The following TNFAIP8 variants were observed in gnomAD, a reference collection of about 807,000 sequenced individuals.
TNFAIP8 encodes the protein tumor necrosis factor alpha-induced protein 8.
In TNFAIP8, 7 loss-of-function variants were observed where a neutral mutation model predicts 13.3. The ratio of observed to expected loss-of-function variants is 0.52; its 90% CI spans 0.30 to 0.99. The LOEUF is 0.99. TNFAIP8 is among the 50% of genes least tolerant of loss of function. The pLI is 0.07. For synonymous variants in TNFAIP8, 94 were observed against 87.6 expected (o/e 1.07, Z -0.41); for missense variants, 258 against 236.9 (o/e 1.09, Z -0.58).
chr5:119,360,285 A>G (rs929577509), intron 1 of TNFAIP8, among the ~76,000 whole-genome samples: 1 of 152,190 alleles, frequency 6.6e-6, no homozygotes, highest in African/African-American at 2.4e-5. Flanking sequence ...GCATTTCAGA[A>G]CACTGCAGAA....
intron 1 of TNFAIP8, among the ~76,000 whole-genome samples, chr5:119,347,822 T>G (rs1276571278): frequency 6.6e-6 from 1 of 152,244 alleles, no homozygotes; most frequent in Non-Finnish European, 1.5e-5. Context: ...TGCAAGCCTA[T>G]GTCAGCCTTT....
intron 1 of TNFAIP8, among the ~76,000 whole-genome samples, chr5:119,364,491 G>A (rs1010481713): frequency 6.6e-6 from 1 of 152,014 alleles, no homozygotes; most frequent in East Asian, 1.9e-4. Flanking sequence ...GGGACTACAG[G>A]TGCATACCAC....
At position 119,311,807 on chromosome 5, in the gene TNFAIP8, T is replaced by C. The variant is rs145685389; in HGVS notation, c.1+42900T>C. ...AGTGCTGATGAAGGGACATTGTGGG[T>C]GTTCACCCGTGAAGGAGGGACAAAG... On this transcript the variant is annotated intron_variant, in intron 1 of 1. Coordinates refer to the TNFAIP8 transcript ENST00000274456. 7.5e-3 allele frequency among the ~76,000 whole-genome samples: 1,138 copies of C among 151,022 alleles called. 5 individuals are homozygous for C. Among genetic ancestry groups the C allele is most frequent in the Non-Finnish European group, 0.012 (815 of 67,872 alleles).
chr5:119,377,356 C>T (rs1355548183), intron 1 of TNFAIP8, among the ~76,000 whole-genome samples: 2 of 151,780 alleles, frequency 1.3e-5, no homozygotes, highest in Non-Finnish European at 2.9e-5. Flanking sequence ...TGCACTCCAG[C>T]CTGGGCAACA....
chr5:119,293,283 T>A (rs776633123), intron 1 of TNFAIP8, among the ~76,000 whole-genome samples: 4 of 152,328 alleles, frequency 2.6e-5, no homozygotes, highest in Non-Finnish European at 5.9e-5. Flanking sequence ...GCTACTGTGA[T>A]GTACAGTAGA....
chr5:119,299,434 C>A (rs1241306692), intron 1 of TNFAIP8, among the ~76,000 whole-genome samples: 1 of 152,170 alleles, frequency 6.6e-6, no homozygotes, highest in African/African-American at 2.4e-5. Context: ...TTTTCGTGAA[C>A]CGCGAATGCT....
chr5:119,322,945 C>A (rs1301043732), intron 1 of TNFAIP8, among the ~76,000 whole-genome samples: 1 of 152,228 alleles, frequency 6.6e-6, no homozygotes, highest in Non-Finnish European at 1.5e-5. Flanking sequence ...AACTTGCCTT[C>A]TCTTTCACTT....
chr5:119,374,566 C>T (rs1415155028), intron 1 of TNFAIP8, among the ~76,000 whole-genome samples: 3 of 152,192 alleles, frequency 2.0e-5, no homozygotes, highest in East Asian at 1.9e-4. Context: ...CAGAGTTGGA[C>T]GCCTTCTAGC....
chr5:119,372,570 A>C (rs1752123653), intron 1 of TNFAIP8, among the ~76,000 whole-genome samples: 1 of 152,226 alleles, frequency 6.6e-6, no homozygotes, highest in Non-Finnish European at 1.5e-5. Context: ...ATGTGTGCAG[A>C]TTTTATAAAG....
At position 119,364,393 on chromosome 5, in the gene TNFAIP8, AGTCTCACTCC is replaced by A. The variant is rs569107553; in HGVS notation, c.31+8276_31+8285del. 1.1e-4 allele frequency among the ~76,000 whole-genome samples: 16 copies of A among 152,312 alleles called. No homozygotes were observed. In the East Asian group the frequency reaches 3.1e-3, roughly 29 times the overall value. On this transcript the variant is annotated intron_variant, in intron 1 of 1. Transcript: ENST00000504771. The stretch of plus-strand genomic sequence containing the variant: ...CCTATCACTCTGTTGTTTTAGAGAT[AGTCTCACTCC>A]GTCACCCAGGCTGGAGTGCAGTGGC...
At chr5:119,365,560 C>T (rs534976053) in intron 1 of TNFAIP8, among the ~76,000 whole-genome samples, 2 of 152,196 alleles carry the variant, frequency 1.3e-5, no homozygotes, top group Non-Finnish European at 2.9e-5. Flanking sequence ...CCAGGCCTGC[C>T]TCTTCATTCA....
chr5:119,313,651 A>G (rs749218312), intron 1 of TNFAIP8, among the ~76,000 whole-genome samples: 3 of 152,254 alleles, frequency 2.0e-5, no homozygotes, highest in Non-Finnish European at 4.4e-5. Flanking sequence ...AGTACCTTTA[A>G]TAATTTCATG....
rs142741839 is a variant in TNFAIP8 at position 119,317,578 on chromosome 5, A to T, written c.1+48671A>T. On this transcript the variant is annotated intron_variant, in intron 1 of 1. Coordinates refer to the TNFAIP8 transcript ENST00000274456. ...ATATTTATCATCAAATATTTACCTT[A>T]TATGATAATAATAATAATAATTATT... Among the ~76,000 whole-genome samples the T allele has an allele frequency of 5.2e-4, 77 of 148,780 alleles. 1 individual carries two copies. In the East Asian group the frequency reaches 0.013, roughly 26 times the overall value.
Position 119,391,495 on chromosome 5 carries a change from C to T in TNFAIP8, c.32-1321C>T, listed in dbSNP as rs894089575. ...GAGAAATGGGCCAGGTGCGGTGGCT[C>T]ATGCCTGTAATCCCAGCACTTTGGG... On this transcript the variant is annotated intron_variant, in intron 1 of 1. Coordinates refer to ENST00000504771, the MANE Select transcript of TNFAIP8 (RefSeq NM_014350.4). 5.8e-6 allele frequency: 4 copies of T among 692,746 alleles called. No homozygotes were observed. The East Asian group carries it at 8.2e-5, about 14-fold the overall frequency. 42.9% of individuals were successfully genotyped at this position (692,746 alleles called of 1,614,324 possible). A position where few individuals can be genotyped will look rare whatever the true frequency, so the allele number is the denominator to read the frequency against.
At chr5:119,284,305 G>A (rs1748714692) in intron 1 of TNFAIP8, among the ~76,000 whole-genome samples, 1 of 152,124 alleles carries the variant, frequency 6.6e-6, no homozygotes, top group Non-Finnish European at 1.5e-5. Context: ...CTGGGTTCCA[G>A]AGGCTGCAGG....
chr5:119,304,617 G>A (rs761520414), intron 1 of TNFAIP8, among the ~76,000 whole-genome samples: 4 of 152,218 alleles, frequency 2.6e-5, no homozygotes, highest in Non-Finnish European at 4.4e-5. Context: ...CTCTGGTTGG[G>A]AATGTTGTGC....
chr5:119,326,217 G>T (rs567537079), intron 1 of TNFAIP8, among the ~76,000 whole-genome samples: 1 of 152,288 alleles, frequency 6.6e-6, no homozygotes, highest in Non-Finnish European at 1.5e-5. Flanking sequence ...GGGCTGATGA[G>T]GTGTGTATAG....
At chr5:119,381,939 AC>A (rs1454049249) in intron 1 of TNFAIP8, among the ~76,000 whole-genome samples, 2 of 152,082 alleles carry the variant, frequency 1.3e-5, no homozygotes, top group Admixed American at 6.5e-5. Context: ...ATAAAAAAAA[AC>A]ACCGAACAAA....
chr5:119,396,763 T>TGG lies in TNFAIP8; in HGVS notation c.*3384_*3385dup. The TGG allele has an allele frequency of 6.6e-6, 1 of 150,856 alleles. No homozygotes were observed. The allele number at this position is 150,856 out of a possible 1,614,324, so 9.3% of individuals were successfully genotyped here. On this transcript the variant is annotated 3_prime_UTR_variant, in exon 2 of 2. Transcript: ENST00000504771. ...AGCCCAGAACTTTGGGAGGCGGAGG[T>TGG]GGGAGGATCACTTGAGGTGAGGAGT...
Sources: allele counts gnomAD v4.1 joint callset (sites outside exome capture counted in the v4.1 genomes callset), GRCh38; gene constraint gnomAD v4.1.1; transcripts MANE v1.5; gene names NCBI Gene and HGNC (gene_info 2026-07-23, HGNC 2026-07-21).